APLP2: variants seen among roughly 807,000 people sequenced by gnomAD.
The protein encoded by APLP2 is CDEI box-binding protein.
APLP2 carries 53 observed loss-of-function variants against 89.9 expected under a neutral mutation model. The observed-to-expected ratio is 0.59, with a 90% confidence interval of 0.47 to 0.74. The LOEUF (loss-of-function observed/expected upper bound fraction) is 0.74. Ranked by LOEUF, APLP2 falls within the 30% of genes least tolerant of loss-of-function variation. The pLI, the probability that APLP2 is intolerant of heterozygous loss-of-function variation, is 0.00. For missense variants in APLP2, 973 were observed against 975.9 expected, an observed-to-expected ratio of 1.00 and a Z score of 0.04; for synonymous variants, 372 against 348.6, an observed-to-expected ratio of 1.07 and a Z score of -0.75.
intron 2 of APLP2, 87 bp from the exon 3 acceptor site, chr11:130,110,451 G>A: frequency 6.6e-7 from 1 of 1,516,642 alleles, no homozygotes; most frequent in Non-Finnish European, 9.0e-7. Context: ...GGTGGAGGCT[G>A]AATAAACTTA....
At chr11:130,136,663 C>G (rs1951651798) in intron 13 of APLP2, among the ~76,000 whole-genome samples, 1 of 152,138 alleles carries the variant, frequency 6.6e-6, no homozygotes, top group East Asian at 1.9e-4. Flanking sequence ...GAAATGCTTT[C>G]TAAACTAGCG....
intron 5 of APLP2, 152 bp from the exon 6 acceptor site, chr11:130,122,153 T>C: frequency 1.1e-6 from 1 of 902,550 alleles, no homozygotes; most frequent in Non-Finnish European, 1.7e-6. Flanking sequence ...TTTGCTGATG[T>C]AGCTGGGCCC....
chr11:130,076,064 CTT>C, intron 1 of APLP2, among the ~76,000 whole-genome samples: 1 of 151,950 alleles, frequency 6.6e-6, no homozygotes, highest in East Asian at 1.9e-4. Context: ...TTTTTAAAAA[CTT>C]TTTGGGCCTT....
At chr11:130,111,195 C>T (rs1221573086) in intron 3 of APLP2, among the ~76,000 whole-genome samples, 1 of 152,168 alleles carries the variant, frequency 6.6e-6, no homozygotes, top group Non-Finnish European at 1.5e-5. Flanking sequence ...CTCTGTGTTG[C>T]TGGTGTCAAC....
At chr11:130,114,336 C>T (rs982918358) in intron 3 of APLP2, 2 of 152,196 alleles carry the variant, frequency 1.3e-5, no homozygotes, top group African/African-American at 4.8e-5. Flanking sequence ...GCACAAAGCT[C>T]AGTTCCTTTA....
chr11:130,078,464 A>T (rs547889388), intron 1 of APLP2, among the ~76,000 whole-genome samples: 119 of 151,742 alleles, frequency 7.8e-4, no homozygotes, highest in African/African-American at 2.7e-3. Context: ...TTAATGTCTA[A>T]TTTTTTAGTC....
At position 130,083,015 on chromosome 11, in the gene APLP2, A is replaced by ACTTTT. The variant is rs1166337174; in HGVS notation, c.105+12944_105+12948dup. Among the ~76,000 whole-genome samples, 12 of 133,416 alleles carry ACTTTT rather than the reference A, an allele frequency of 9.0e-5. 1 individual carries two copies. In the East Asian group the frequency reaches 1.8e-3, roughly 20 times the overall value. 87.5% of individuals were successfully genotyped at this position (133,416 alleles called of 152,430 possible). ...ATAACAAAATATATTAACCACTGAA[A>ACTTTT]CTTTTCTTTTCTTTTTTTTTTTTTT... On this transcript the variant is annotated intron_variant, in intron 1 of 16. Coordinates refer to ENST00000338167, the MANE Select transcript of APLP2 (RefSeq NM_001142276.2).
At chr11:130,136,172 C>A (rs535338095) in intron 13 of APLP2, among the ~76,000 whole-genome samples, 1 of 152,152 alleles carries the variant, frequency 6.6e-6, no homozygotes, top group Non-Finnish European at 1.5e-5. Context: ...GGCAGACGTT[C>A]TTTCCTCTAT....
chr11:130,113,337 T>C (rs1212814872), intron 3 of APLP2, among the ~76,000 whole-genome samples: 2 of 152,228 alleles, frequency 1.3e-5, no homozygotes, highest in Admixed American at 6.5e-5. Context: ...AGCAATAGTA[T>C]TGTCGTTAAT....
chr11:130,103,089 A>G (rs1474737567), intron 1 of APLP2, among the ~76,000 whole-genome samples: 1 of 152,248 alleles, frequency 6.6e-6, no homozygotes, highest in Non-Finnish European at 1.5e-5. Flanking sequence ...ATGTTAGATT[A>G]GGAAACAGAT....
At chr11:130,081,229 A>G (rs370477472) in intron 1 of APLP2, among the ~76,000 whole-genome samples, 21 of 152,078 alleles carry the variant, frequency 1.4e-4, no homozygotes, top group East Asian at 9.6e-4. Context: ...TTTTTTTGGG[A>G]TCACACTTGA....
At chr11:130,087,614 G>T (rs1281944549) in intron 1 of APLP2, among the ~76,000 whole-genome samples, 1 of 152,138 alleles carries the variant, frequency 6.6e-6, no homozygotes, top group Non-Finnish European at 1.5e-5. Flanking sequence ...GGTTTGAAAT[G>T]ATCTTTTGTA....
chr11:130,096,544 C>A (rs1946233378), intron 1 of APLP2, among the ~76,000 whole-genome samples: 1 of 152,098 alleles, frequency 6.6e-6, no homozygotes, highest in Admixed American at 6.5e-5. Flanking sequence ...ATAGCGAGAC[C>A]TCATCTCTGC....
At chr11:130,122,623 C>T (rs1162651894) in intron 6 of APLP2, 110 bp downstream of exon 6, 5 of 1,518,788 alleles carry the variant, frequency 3.3e-6, no homozygotes, top group Middle Eastern at 2.2e-4. Context: ...AGGTGTGGTA[C>T]CTCTGCACTG....
chr11:130,135,497 C>T (rs1355417427), intron 12 of APLP2, 66 bp from the exon 13 acceptor site: 20 of 1,556,048 alleles, frequency 1.3e-5, no homozygotes, highest in Non-Finnish European at 1.6e-5. Context: ...AGCTCTAGAG[C>T]ATCCTGTGCC....
intron 3 of APLP2, among the ~76,000 whole-genome samples, chr11:130,119,999 T>G (rs1949637308): frequency 6.6e-6 from 1 of 152,196 alleles, no homozygotes; most frequent in Admixed American, 6.5e-5. Context: ...TTTTTAAGAG[T>G]CCATGCCATT....
rs751883036 is a variant in APLP2, at chr11:130,109,527, G to A, written c.204G>A (p.Gly68=). The A allele has an allele frequency of 1.2e-6, 2 of 1,613,904 alleles. No individual in the cohort carries two copies. Among genetic ancestry groups the A allele is most frequent in the South Asian group, 1.1e-5 (1 of 91,056 alleles). The part of the protein sequence containing the change: ...KLNMHVNIQT[G]KWEPDPTGTK... Reference sequence around the variant, plus strand: ...ATATGCATGTGAACATTCAGACTGGGAAATGGGAACCTGATCCAACAGGCA... The same window carrying A: ...ATATGCATGTGAACATTCAGACTGGAAAATGGGAACCTGATCCAACAGGCA... Residue 68 remains glycine (G), a synonymous_variant, in exon 2 of 17, where the codon GGG becomes GGA. Coordinates refer to ENST00000338167, the MANE Select transcript of APLP2 (RefSeq NM_001142276.2).
intron 1 of APLP2, among the ~76,000 whole-genome samples, chr11:130,073,581 G>A (rs1941543311): frequency 6.6e-6 from 1 of 152,168 alleles, no homozygotes; most frequent in Non-Finnish European, 1.5e-5. Context: ...GGTGGCTCAC[G>A]CCTGTAATCC....
intron 7 of APLP2, among the ~76,000 whole-genome samples, chr11:130,125,950 G>C (rs1950325339): frequency 6.6e-6 from 1 of 152,172 alleles, no homozygotes. Flanking sequence ...AGCAGTCGGG[G>C]GTGCTCCAAT....
Sources: gnomAD v4.1 joint callset for allele counts (sites outside exome capture counted in the v4.1 genomes callset) on GRCh38, gnomAD v4.1.1 for gene constraint, MANE v1.5 for transcripts, NCBI Gene and HGNC (gene_info 2026-07-23, HGNC 2026-07-21) for gene names.